Variants in DACH2 observed in about 807,000 individuals in gnomAD.
DACH2 encodes the protein dachshund family transcription factor 2.
In DACH2, 17 loss-of-function variants were observed where a neutral mutation model predicts 35.8. The ratio of observed to expected loss-of-function variants is 0.48; its 90% CI spans 0.33 to 0.71. DACH2 has a LOEUF of 0.71. Among genes scored for constraint, DACH2 ranks in the 30% least tolerant of loss-of-function variants. The pLI is 0.02. For missense variants in DACH2, 469 were observed against 472.7 expected (o/e 0.99, Z 0.07); for synonymous variants, 195 against 177.3 (o/e 1.10, Z -0.79).
chrX:86,319,413 G>A (rs2034975464), intron 1 of DACH2, among the ~76,000 whole-genome samples: 1 of 111,154 alleles, frequency 9.0e-6, no homozygotes, highest in South Asian at 3.7e-4. Flanking sequence ...TCAATTACAT[G>A]TCATAGCTCT....
At chrX:86,597,478 C>A (rs777257038) in intron 3 of DACH2, among the ~76,000 whole-genome samples, 6 of 111,363 alleles carry the variant, frequency 5.4e-5, no homozygotes, top group Non-Finnish European at 1.1e-4. Context: ...TCCTAAATTT[C>A]TTTTTGTTAT....
chrX:86,585,601 C>T (rs1429830410), intron 3 of DACH2, among the ~76,000 whole-genome samples: 1 of 110,687 alleles, frequency 9.0e-6, no homozygotes, highest in Non-Finnish European at 1.9e-5. Context: ...CTATTGTTCC[C>T]TACTATGTGT....
intron 1 of DACH2, among the ~76,000 whole-genome samples, chrX:86,354,940 A>G (rs28859409): frequency 0.15 from 16,894 of 110,982 alleles, 1,189 homozygotes; most frequent in East Asian, 0.3. Flanking sequence ...TTATGTTTAG[A>G]GGGTATATGT....
chrX:86,485,876 G>A (rs1237331238), intron 2 of DACH2, among the ~76,000 whole-genome samples: 1 of 111,541 alleles, frequency 9.0e-6, no homozygotes, highest in East Asian at 2.8e-4. Flanking sequence ...CTCCTCTGAT[G>A]TATCATTGTA....
chrX:86,795,810 C>A (rs7472199), intron 7 of DACH2, among the ~76,000 whole-genome samples: 19,133 of 108,539 alleles, frequency 0.18, 1,545 homozygotes, highest in South Asian at 0.39. Context: ...AGCTGCAGAC[C>A]TTCGCAGGGA....
At chrX:86,294,814 C>A (rs1279407454) in intron 1 of DACH2, among the ~76,000 whole-genome samples, 2 of 108,615 alleles carry the variant, frequency 1.8e-5, no homozygotes, top group African/African-American at 6.8e-5. Flanking sequence ...AGAACCACTG[C>A]TCTCTTCAAA....
At chrX:86,556,822 AGAGAG>A (rs2039136318) in intron 3 of DACH2, among the ~76,000 whole-genome samples, 4 of 94,043 alleles carry the variant, frequency 4.3e-5, no homozygotes, top group African/African-American at 1.1e-4. Flanking sequence ...AGAGAGAGAG[AGAGAG>A]AGAAGAAGAA....
At chrX:86,821,004 T>C (rs2042506555) in intron 11 of DACH2, among the ~76,000 whole-genome samples, 1 of 111,055 alleles carries the variant, frequency 9.0e-6, no homozygotes, top group African/African-American at 3.3e-5. Flanking sequence ...CCAGAAAAAA[T>C]AAATCGCATA....
intron 1 of DACH2, among the ~76,000 whole-genome samples, chrX:86,263,940 C>G (rs942833282): frequency 1.3e-4 from 14 of 111,918 alleles, no homozygotes; most frequent in African/African-American, 4.5e-4. Flanking sequence ...TCCTTTAGAT[C>G]TTTTGGATAT....
At position 86,184,897 on chromosome X, in the gene DACH2, T is replaced by C. The variant is rs776715747; in HGVS notation, c.488+35789T>C. Among the ~76,000 whole-genome samples the C allele has an allele frequency of 1.2e-4, 13 of 111,443 alleles. No homozygotes were observed. The South Asian group carries it at 4.1e-3, about 36-fold the overall frequency. ...AGTTGGACAATAATTTGAATCTTTT[T>C]TTTTCTTTATTCAAAGGCTAGAATA... is the stretch of plus-strand genomic sequence containing the variant. On this transcript the variant is annotated intron_variant, in intron 1 of 11. Coordinates refer to ENST00000373125, the MANE Select transcript of DACH2 (RefSeq NM_053281.3).
intron 2 of DACH2, among the ~76,000 whole-genome samples, chrX:86,413,822 C>T (rs1203934439): frequency 2.7e-5 from 3 of 110,578 alleles, no homozygotes; most frequent in Non-Finnish European, 5.7e-5. Flanking sequence ...CAGGATGAGT[C>T]CAGGGACCTA....
intron 2 of DACH2, among the ~76,000 whole-genome samples, chrX:86,412,801 G>A (rs1296623579): frequency 9.0e-6 from 1 of 111,582 alleles, no homozygotes; most frequent in African/African-American, 3.3e-5. Context: ...TGGATCTGCT[G>A]GGTCATATGG....
At chrX:86,653,251 C>T (rs1026350046) in intron 4 of DACH2, among the ~76,000 whole-genome samples, 2 of 111,890 alleles carry the variant, frequency 1.8e-5, no homozygotes, top group Admixed American at 1.9e-4. Context: ...AGGTCTGTGA[C>T]TTTATTTCTG....
chrX:86,747,876 T>G (rs1218953146), intron 7 of DACH2, among the ~76,000 whole-genome samples: 3 of 112,203 alleles, frequency 2.7e-5, no homozygotes, highest in Non-Finnish European at 5.6e-5. Context: ...GTAAATTTCT[T>G]TCAAAATTTG....
At chrX:86,153,808 C>T (rs1036680535) in intron 1 of DACH2, among the ~76,000 whole-genome samples, 5 of 111,473 alleles carry the variant, frequency 4.5e-5, no homozygotes, top group East Asian at 5.6e-4. Flanking sequence ...TTTAAATATA[C>T]GCTTCTGAAT....
At chrX:86,193,392 A>C (rs1248293875) in intron 1 of DACH2, among the ~76,000 whole-genome samples, 9 of 111,938 alleles carry the variant, frequency 8.0e-5, no homozygotes, top group Non-Finnish European at 1.3e-4. Context: ...GAAATACAAC[A>C]AAGTCAAGGG....
At chrX:86,401,759 G>C (rs752588296) in intron 2 of DACH2, among the ~76,000 whole-genome samples, 28 of 106,333 alleles carry the variant, frequency 2.6e-4, no homozygotes, top group Non-Finnish European at 5.0e-4. Flanking sequence ...TTAATGCCCC[G>C]ATGAACATAG....
chrX:86,722,997 C>G (rs1156325814), intron 6 of DACH2, among the ~76,000 whole-genome samples: 1 of 111,438 alleles, frequency 9.0e-6, no homozygotes, highest in Non-Finnish European at 1.9e-5. Flanking sequence ...TGATTCAATC[C>G]CGCTACTCAT....
intron 4 of DACH2, among the ~76,000 whole-genome samples, chrX:86,651,573 A>G (rs1288995657): frequency 9.0e-6 from 1 of 111,617 alleles, no homozygotes; most frequent in East Asian, 2.8e-4. Flanking sequence ...CTGGAGTACC[A>G]CTTCCTTAGC....
Sources: allele counts gnomAD v4.1 joint callset (sites outside exome capture counted in the v4.1 genomes callset), GRCh38; gene constraint gnomAD v4.1.1; transcripts MANE v1.5; gene names NCBI Gene and HGNC (gene_info 2026-07-23, HGNC 2026-07-21).